The following BZW2 variants were observed in gnomAD, a reference collection of about 807,000 sequenced individuals.
The protein encoded by BZW2 is eIF5-mimic protein 1.
In BZW2, 23 loss-of-function variants were observed where a neutral mutation model predicts 53.2. The observed-to-expected ratio is 0.43, with a 90% CI of 0.31 to 0.61. BZW2 has a LOEUF of 0.61. BZW2 is among the 20% of genes least tolerant of loss of function. The probability of loss-of-function intolerance (pLI) is 0.09; values close to 1 mark genes in which losing one functional copy is unlikely to be tolerated. For synonymous variants in BZW2, 227 were observed against 186.4 expected (o/e 1.22, Z -1.77); for missense variants, 409 against 503.1 (o/e 0.81, Z 1.79).
chr7:16,667,845 CTATT>C (rs760896746), intron 2 of BZW2, among the ~76,000 whole-genome samples: 4 of 152,200 alleles, frequency 2.6e-5, no homozygotes, highest in Non-Finnish European at 5.9e-5. Context: ...AGCCACTTCT[CTATT>C]TAGTCCTCAT....
intron 1 of BZW2, among the ~76,000 whole-genome samples, chr7:16,650,043 T>C (rs144682766): frequency 1.3e-5 from 2 of 152,222 alleles, no homozygotes; most frequent in East Asian, 3.9e-4. Context: ...AAGAAAGTAA[T>C]ATAAATACAA....
At position 16,696,986 on chromosome 7, in the gene BZW2, G is replaced by A. The variant is rs1258102588; in HGVS notation, c.894G>A (p.Trp298Ter). 6.2e-7 allele frequency: 1 copy of A among 1,614,150 alleles called. No individual in the cohort carries two copies. The highest frequency in any genetic ancestry group is 8.5e-7 in the Non-Finnish European group (1 of 1,179,996). Residue 298 changes from tryptophan to a stop codon, truncating the protein, a stop_gained, in exon 9 of 12, where the codon TGG (tryptophan) becomes TGA (stop). Coordinates refer to ENST00000258761, the MANE Select transcript of BZW2 (RefSeq NM_014038.3). LOFTEE classifies it high-confidence loss of function. Reference protein sequence around the residue: ...LPETAVIGLLWTCIMNAVEWN... With the variant: ...LPETAVIGLL ...AAACAGCAGTGATTGGTCTTCTGTG[G>A]ACATGTATAATGAACGCTGTTGAGT...
In BZW2 at chr7:16,697,198, T is replaced by C. The variant is rs990343849; in HGVS notation, c.969+137T>C. The C allele has an allele frequency of 5.0e-6, 5 of 1,002,930 alleles. No individual in the cohort carries two copies. In the Admixed American group the frequency reaches 1.2e-4, roughly 24 times the overall value. 62.1% of individuals were successfully genotyped at this position (1,002,930 alleles called of 1,614,324 possible). On this transcript the variant is annotated intron_variant, in intron 9 of 11. Coordinates refer to ENST00000258761, the MANE Select transcript of BZW2 (RefSeq NM_014038.3). ...TTGAACTCCTGGGCTCAAGCCACCC[T>C]CCCTCCTCAGCCTCCCAGGTAGCTA... is the stretch of plus-strand genomic sequence containing the variant.
intron 2 of BZW2, among the ~76,000 whole-genome samples, chr7:16,669,147 A>G (rs1419109685): frequency 1.3e-5 from 2 of 152,196 alleles, no homozygotes; most frequent in African/African-American, 2.4e-5. Flanking sequence ...TTGTTGTTGG[A>G]GACAGTCTCA....
At chr7:16,693,199 A>G (rs565583317) in intron 7 of BZW2, among the ~76,000 whole-genome samples, 1 of 152,282 alleles carries the variant, frequency 6.6e-6, no homozygotes, top group African/African-American at 2.4e-5. Context: ...AGAGACCTTA[A>G]TCTAGGGATG....
chr7:16,679,376 C>G (rs1782870426), intron 3 of BZW2, among the ~76,000 whole-genome samples: 1 of 152,208 alleles, frequency 6.6e-6, no homozygotes, highest in Non-Finnish European at 1.5e-5. Flanking sequence ...TTCAGGTTCC[C>G]TGACTTCCCG....
At chr7:16,660,735 G>A (rs1436423340) in intron 1 of BZW2, among the ~76,000 whole-genome samples, 1 of 152,222 alleles carries the variant, frequency 6.6e-6, no homozygotes, top group African/African-American at 2.4e-5. Context: ...GTCACTAGCC[G>A]CATTTCAAGG....
At chr7:16,664,112 C>T (rs867067838) in intron 1 of BZW2, among the ~76,000 whole-genome samples, 13 of 152,154 alleles carry the variant, frequency 8.5e-5, no homozygotes, top group South Asian at 4.1e-4. Flanking sequence ...ATCAATATCC[C>T]TTGAGCATCT....
chr7:16,704,442 C>G, intron 10 of BZW2, 105 bp from the exon 11 acceptor site: 3 of 1,191,824 alleles, frequency 2.5e-6, no homozygotes, highest in East Asian at 5.2e-5. Flanking sequence ...TAACAGAATG[C>G]TTTATATTTA....
Position 16,682,832 on chromosome 7 carries a change from A to G in BZW2, c.392A>G (p.Asp131Gly). 1.3e-6 allele frequency: 2 copies of G among 1,574,922 alleles called. No homozygotes were observed. Among genetic ancestry groups the G allele is most frequent in the Non-Finnish European group, 1.7e-6 (2 of 1,151,664 alleles). Residue 131 changes from aspartate to glycine, a missense_variant, in exon 5 of 12, where the codon GAT becomes GGT. Physicochemically the swap from Asp to Gly is moderately conservative, Grantham distance 94. Around this residue, in one of 3 missense-constraint regions of BZW2, gnomAD observed 316 missense variants for 366.8 expected, o/e 0.86. Coordinates refer to ENST00000258761, the MANE Select transcript of BZW2 (RefSeq NM_014038.3). ...RYKYLEKAFE[D>G]EMKKLLLFLK... ...AAGTATTTGGAGAAGGCATTTGAAG[A>G]TGAAATGAAAAAGGTAAAAATTCAA...
intron 2 of BZW2, among the ~76,000 whole-genome samples, chr7:16,666,589 G>C (rs1782434901): frequency 6.6e-6 from 1 of 152,112 alleles, no homozygotes; most frequent in African/African-American, 2.4e-5. Flanking sequence ...TTTAAGTACA[G>C]ACGGGGTTTC....
intron 10 of BZW2, among the ~76,000 whole-genome samples, chr7:16,701,388 G>A (rs1783662597): frequency 6.6e-6 from 1 of 151,958 alleles, no homozygotes; most frequent in Admixed American, 6.6e-5. Flanking sequence ...AAATTTTTTA[G>A]GTTAAATTCT....
chr7:16,704,457 G>A, intron 10 of BZW2, 90 bp from the exon 11 acceptor site: 1 of 1,272,250 alleles, frequency 7.9e-7, no homozygotes, highest in Non-Finnish European at 1.0e-6. Flanking sequence ...TATTTAAAAT[G>A]ATTGCTTTCT....
chr7:16,699,082 T>A (rs1043055483), intron 10 of BZW2, among the ~76,000 whole-genome samples: 1 of 152,206 alleles, frequency 6.6e-6, no homozygotes, highest in Admixed American at 6.5e-5. Context: ...CACAATGAAT[T>A]TTTATTGGCC....
chr7:16,699,026 G>C (rs1331312274), intron 10 of BZW2, among the ~76,000 whole-genome samples: 2 of 152,056 alleles, frequency 1.3e-5, no homozygotes, highest in Non-Finnish European at 2.9e-5. Flanking sequence ...GGAAAATAAA[G>C]GTTTTAGATA....
intron 1 of BZW2, 114 bp from the exon 2 acceptor site, chr7:16,665,323 G>C: frequency 8.1e-7 from 1 of 1,235,260 alleles, no homozygotes; most frequent in South Asian, 1.3e-5. Flanking sequence ...AAAAAAAGAG[G>C]CATATTCAGT....
At chr7:16,660,275 C>T (rs938165969) in intron 1 of BZW2, among the ~76,000 whole-genome samples, 1 of 151,808 alleles carries the variant, frequency 6.6e-6, no homozygotes, top group South Asian at 2.1e-4. Flanking sequence ...ATTAGCCGGG[C>T]CTGGTAGTGT....
chr7:16,706,225 G>A lies in BZW2; in HGVS notation c.*137G>A, dbSNP rs1783853569. On this transcript the variant is annotated 3_prime_UTR_variant, in exon 12 of 12. Coordinates refer to ENST00000258761, the MANE Select transcript of BZW2 (RefSeq NM_014038.3). ...TAGGATAGGCTTCCCTTGTGCAGAGGGAGAAATGGTTTTGTTTTTGTTTTG... is the reference window on the plus strand; with the variant it reads ...TAGGATAGGCTTCCCTTGTGCAGAGAGAGAAATGGTTTTGTTTTTGTTTTG... 1.1e-6 allele frequency: 1 copy of A among 926,320 alleles called. No homozygotes were observed. Among genetic ancestry groups the A allele is most frequent in the Non-Finnish European group, 1.6e-6 (1 of 611,442 alleles). 57.4% of individuals were successfully genotyped at this position (926,320 alleles called of 1,614,324 possible). A position where few individuals can be genotyped will look rare whatever the true frequency, so the allele number is the denominator to read the frequency against.
intron 1 of BZW2, among the ~76,000 whole-genome samples, chr7:16,659,925 G>A (rs920244200): frequency 6.6e-6 from 1 of 151,644 alleles, no homozygotes; most frequent in Non-Finnish European, 1.5e-5. Context: ...TATGTATACA[G>A]GTGCCATGTT....
Sources: allele counts gnomAD v4.1 joint callset (sites outside exome capture counted in the v4.1 genomes callset), GRCh38; gene constraint gnomAD v4.1.1; regional missense constraint gnomAD v4.1.1; transcripts MANE v1.5; gene names NCBI Gene and HGNC (gene_info 2026-07-23, HGNC 2026-07-21).